SPG7: variants seen among roughly 807,000 people sequenced by gnomAD.
SPG7 encodes SPG7 matrix AAA peptidase subunit, paraplegin.
Under a neutral mutation model 81.9 loss-of-function variants are expected in SPG7, and 103 were observed. The ratio of observed to expected loss-of-function variants is 1.26; its 90% confidence interval spans 1.07 to 1.48. The LOEUF (loss-of-function observed/expected upper bound fraction) is 1.48, where lower values mean the gene tolerates loss of function less well. SPG7 is among the 40% of genes most tolerant of loss of function. The pLI is 0.00. For synonymous variants in SPG7, 534 were observed against 444.2 expected (o/e 1.20, Z -2.54); for missense variants, 1,241 against 1,087.3 (o/e 1.14, Z -1.99).
At chr16:89,518,088 A>C (rs1025666913) in intron 3 of SPG7, 1 of 151,986 alleles carries the variant, frequency 6.6e-6, no homozygotes. Context: ...TTTCGGCGGG[A>C]GTTGGTTTGT....
intron 16 of SPG7, chr16:89,556,140 A>G (rs1291560453): frequency 2.5e-6 from 1 of 398,808 alleles, no homozygotes; most frequent in East Asian, 3.6e-5. Context: ...ATGAACTGTC[A>G]GCTACTCACA....
At chr16:89,533,988 A>G (rs970919860) in intron 9 of SPG7, among the ~76,000 whole-genome samples, 6 of 152,310 alleles carry the variant, frequency 3.9e-5, no homozygotes, top group African/African-American at 1.2e-4. Flanking sequence ...AGCCTGGACA[A>G]CACAGCGAGA....
chr16:89,531,261 C>G (rs184637600), intron 7 of SPG7: 85 of 295,164 alleles, frequency 2.9e-4, no homozygotes, highest in African/African-American at 1.7e-3. Context: ...CAGTGGGTCA[C>G]GCCTGTAGTC....
intron 3 of SPG7, chr16:89,518,396 A>G (rs1256273343): frequency 6.6e-6 from 1 of 152,210 alleles, no homozygotes; most frequent in Non-Finnish European, 1.5e-5. Context: ...CCACTCACTG[A>G]TAACACGAAT....
intron 9 of SPG7, chr16:89,537,816 C>A: frequency 1.0e-6 from 1 of 972,408 alleles, no homozygotes; most frequent in Non-Finnish European, 1.2e-6. Flanking sequence ...TGGTCCTGGT[C>A]CCAGTGTGAC....
At chr16:89,550,091 G>GAA (rs1311056289) in intron 12 of SPG7, 1 of 318,202 alleles carries the variant, frequency 3.1e-6, no homozygotes, top group East Asian at 8.1e-5. Context: ...GATGTGCAGA[G>GAA]AGAGGCTTGC....
chr16:89,523,305 C>T (rs1256713342), intron 3 of SPG7: 1 of 236,660 alleles, frequency 4.2e-6, no homozygotes, highest in Non-Finnish European at 8.5e-6. Context: ...CTACAACTTT[C>T]TGTTAAATGT....
intron 13 of SPG7, among the ~76,000 whole-genome samples, 178 bp downstream of exon 13, chr16:89,550,787 G>A (rs2058627024): frequency 6.6e-6 from 1 of 152,210 alleles, no homozygotes. Flanking sequence ...CATGGAGCAG[G>A]GTGGGTGGCG....
chr16:89,525,755 AACC>A (rs1567907854), intron 4 of SPG7, among the ~76,000 whole-genome samples: 1 of 152,132 alleles, frequency 6.6e-6, no homozygotes, highest in Non-Finnish European at 1.5e-5. Flanking sequence ...GTTAAACATG[AACC>A]CTCTGTGGCC....
intron 3 of SPG7, among the ~76,000 whole-genome samples, chr16:89,515,185 C>T (rs1184393664): frequency 6.6e-6 from 1 of 151,542 alleles, no homozygotes; most frequent in East Asian, 1.9e-4. Context: ...ATCTGCGTGC[C>T]TCAGCCTCCC....
intron 9 of SPG7, chr16:89,542,880 AG>A (rs2058512915): frequency 2.0e-5 from 3 of 149,398 alleles, no homozygotes; most frequent in Admixed American, 6.7e-5. Context: ...GGGATTATTA[AG>A]GGTTTCTTAC....
intron 9 of SPG7, chr16:89,540,663 G>A (rs755866576): frequency 1.9e-5 from 3 of 154,740 alleles, no homozygotes; most frequent in African/African-American, 4.8e-5. Flanking sequence ...TCCCTTGTAC[G>A]CTGCTGATGG....
At chr16:89,533,891 G>C (rs2058378785) in intron 9 of SPG7, 1 of 152,168 alleles carries the variant, frequency 6.6e-6, no homozygotes, top group African/African-American at 2.4e-5. Context: ...CCCAGCTGTT[G>C]GGGAGGCCGA....
chr16:89,547,997 T>G lies in SPG7; in HGVS notation c.1553-6T>G, dbSNP rs778948827. ...CCACCCACACCGTGGCTGTTTGTGT[T>G]GACAGGGGCTGACATCGCCAACATC... is the stretch of plus-strand genomic sequence containing the variant. On this transcript the variant is annotated splice_polypyrimidine_tract_variant and splice_region_variant and intron_variant, in intron 11 of 16. Coordinates refer to ENST00000645818, the MANE Select transcript of SPG7 (RefSeq NM_003119.4). The G allele has an allele frequency of 1.3e-5, 21 of 1,611,730 alleles. No individual in the cohort carries two copies. The highest frequency in any genetic ancestry group is 2.7e-5 in the African/African-American group (2 of 74,914).
chr16:89,510,485 T>C lies in SPG7; in HGVS notation c.184-5T>C. The C allele has an allele frequency of 6.4e-7, 1 of 1,572,616 alleles. No homozygotes were observed. ...CCTCCAGTATTGTTTTTTTTTTTTT[T>C]TCAGAGCTTACAATTGAGACTGCTA... On this transcript the variant is annotated splice_polypyrimidine_tract_variant and splice_region_variant and intron_variant, in intron 1 of 16. Coordinates refer to ENST00000645818, the MANE Select transcript of SPG7 (RefSeq NM_003119.4).
intron 11 of SPG7, 39 bp downstream of exon 11, chr16:89,546,799 T>C (rs1452979220): frequency 7.2e-7 from 1 of 1,385,702 alleles, no homozygotes. Flanking sequence ...CGTCACGTCC[T>C]GAGGGCAGGT....
At chr16:89,510,733 GAGCTCACTAC>G in intron 2 of SPG7, 141 bp downstream of exon 2, 1 of 689,598 alleles carries the variant, frequency 1.5e-6, no homozygotes, top group Non-Finnish European at 2.6e-6. Context: ...GGTGTGATCA[GAGCTCACTAC>G]AGCCTAGAAC....
rs1161309952 is a variant in SPG7 at position 89,530,701 on chromosome 16, C to G, written c.880C>G (p.Arg294Gly). ...FSAFNQLKMA[R>G]FTIVDGKMGK... is the part of the protein sequence containing the mutation. ...TGCACAGAATCAGCTTAAAATGGCT[C>G]GTTTCACCATTGTGGATGGGAAGAT... Residue 294 changes from arginine to glycine, a missense_variant, in exon 7 of 17, where the codon CGT (arginine) becomes GGT (glycine). Arg to Gly is a moderately radical substitution (Grantham distance 125, BLOSUM62 -2). Coordinates refer to ENST00000645818, the MANE Select transcript of SPG7 (RefSeq NM_003119.4). 1 of 1,614,068 alleles carries G rather than the reference C, an allele frequency of 6.2e-7. No individual in the cohort carries two copies. The highest frequency in any genetic ancestry group is 2.2e-5 in the East Asian group (1 of 44,878).
chr16:89,537,399 G>A (rs1277834485), intron 9 of SPG7: 17 of 1,065,440 alleles, frequency 1.6e-5, no homozygotes, highest in African/African-American at 3.3e-5. Flanking sequence ...CTGACCACAC[G>A]CGGGAGCTGC....
Sources: gnomAD v4.1 joint callset for allele counts (sites outside exome capture counted in the v4.1 genomes callset) on GRCh38, gnomAD v4.1.1 for gene constraint, MANE v1.5 for transcripts, NCBI Gene and HGNC (gene_info 2026-07-23, HGNC 2026-07-21) for gene names.